Variants in PPIL3 observed in about 807,000 individuals in gnomAD.
PPIL3 encodes peptidylprolyl isomerase like 3.
A neutral mutation model predicts 20.9 loss-of-function variants in PPIL3; 13 were observed. The ratio of observed to expected loss-of-function variants is 0.62; its 90% CI spans 0.40 to 0.99. The LOEUF (loss-of-function observed/expected upper bound fraction) is 0.99. Ranked by LOEUF, PPIL3 falls within the 50% of genes least tolerant of loss-of-function variation. The pLI is 0.00. For missense variants in PPIL3, 170 were observed against 195.2 expected (o/e 0.87, Z 0.77); for synonymous variants, 71 against 64.4 (o/e 1.10, Z -0.49).
intron 2 of PPIL3, among the ~76,000 whole-genome samples, chr2:200,887,343 C>T (rs952385362): frequency 6.9e-6 from 1 of 145,180 alleles, no homozygotes. Flanking sequence ...CGAGATTACA[C>T]CACTGCACTC....
In PPIL3 at chr2:200,887,662, TACAGCGAG is replaced by T. The variant is rs1559344884; in HGVS notation, c.-55_-48del. The T allele has an allele frequency of 6.4e-7, 1 of 1,557,208 alleles. No individual in the cohort carries two copies. The highest frequency in any genetic ancestry group is 2.3e-5 in the East Asian group (1 of 43,816). ...GAAGGACTACGTGATTTCTCAGTCT[TACAGCGAG>T]CTCAAAAATAAGTCTCTAGTCCCAA... On this transcript the variant is annotated 5_prime_UTR_variant, in exon 2 of 7. Transcript: ENST00000392283.
At chr2:200,876,056 G>C (rs924627472) in intron 6 of PPIL3, among the ~76,000 whole-genome samples, 1 of 151,852 alleles carries the variant, frequency 6.6e-6, no homozygotes, top group Admixed American at 6.6e-5. Flanking sequence ...AGATCTGTTA[G>C]TTGCTGTGAA....
At chr2:200,889,103 T>G (rs2040098634), upstream of PPIL3, 1 of 467,610 alleles carries the variant, frequency 2.1e-6, no homozygotes, top group Non-Finnish European at 4.4e-6. Flanking sequence ...GAACGCCCCT[T>G]ACCGCCTCAC....
intron 2 of PPIL3, among the ~76,000 whole-genome samples, chr2:200,886,157 G>A (rs2039931483): frequency 6.6e-6 from 1 of 152,274 alleles, no homozygotes; most frequent in South Asian, 2.1e-4. Flanking sequence ...AAAATGATGA[G>A]AAAATGATTT....
chr2:200,885,488 C>T (rs531343062), intron 3 of PPIL3: 3 of 511,378 alleles, frequency 5.9e-6, no homozygotes, highest in Admixed American at 8.0e-5. Flanking sequence ...GCTACTCTAT[C>T]GTTACCGAAA....
At chr2:200,877,173 C>T (rs1268841132) in intron 5 of PPIL3, 136 bp from the exon 6 acceptor site, 1 of 629,012 alleles carries the variant, frequency 1.6e-6, no homozygotes, top group African/African-American at 1.8e-5. Flanking sequence ...GTTGCTCAGG[C>T]TGGTCTCTAA....
In PPIL3 at chr2:200,881,408, A is replaced by G. The variant is rs767745687; in HGVS notation, c.240+13T>C. 1.2e-6 allele frequency: 2 copies of G among 1,601,308 alleles called. No homozygotes were observed. The highest frequency in any genetic ancestry group is 1.7e-6 in the Non-Finnish European group (2 of 1,172,312). On this transcript the variant is annotated intron_variant, in intron 5 of 6. Transcript: ENST00000392283. The stretch of plus-strand genomic sequence containing the variant: ...GGCATGAGAAATAGATTTTTAAAGC[A>G]TTGAGGATTTACCTTAAGATATTCA...
chr2:200,885,879 G>C, intron 2 of PPIL3, 107 bp from the exon 3 acceptor site: 1 of 655,130 alleles, frequency 1.5e-6, no homozygotes, highest in Non-Finnish European at 2.6e-6. Flanking sequence ...AATAAAAACA[G>C]ACAGAAATAC....
chr2:200,881,521 A>C (rs2105776150), intron 4 of PPIL3, 33 bp from the exon 5 acceptor site: 1 of 1,560,282 alleles, frequency 6.4e-7, no homozygotes, highest in South Asian at 1.1e-5. Flanking sequence ...CAAAAGAAGT[A>C]TTTAATTAAA....
chr2:200,885,780 G>C lies in PPIL3; in HGVS notation c.4-8C>G. ...TGTATGCAGTGTCACAGACTAAAAA[G>C]GAGAGAAAATGTGAGAACAAATGAA... On this transcript the variant is annotated splice_region_variant and splice_polypyrimidine_tract_variant and intron_variant, in intron 2 of 6. Transcript: ENST00000392283. The C allele has an allele frequency of 6.5e-7, 1 of 1,549,576 alleles. No individual in the cohort carries two copies. The highest frequency in any genetic ancestry group is 1.4e-5 in the African/African-American group (1 of 73,136).
chr2:200,877,011 C>A lies in PPIL3; in HGVS notation c.267G>T (p.Met89Ile). ...CATTGGTGTTCGGGCCATTATTAGC[C>A]ATAGATACAACACCTCTAACATTGT... ...LKHNVRGVVS[M>I]ANNGPNTNGS... Residue 89 changes from methionine (M) to isoleucine (I), a missense_variant, in exon 6 of 7, where the codon ATG (methionine) becomes ATT (isoleucine). Physicochemically the swap from Met to Ile is conservative, Grantham distance 10. Transcript: ENST00000392283. 2 of 1,612,590 alleles carry A rather than the reference C, an allele frequency of 1.2e-6. No individual in the cohort carries two copies. Among genetic ancestry groups the A allele is most frequent in the South Asian group, 2.2e-5 (2 of 91,038 alleles).
rs1170988525 is a variant in PPIL3, at chr2:200,887,601, CT to C, written c.3+11del. On this transcript the variant is annotated intron_variant, in intron 2 of 6. Coordinates refer to ENST00000392283, the MANE Select transcript of PPIL3 (RefSeq NM_130906.3). ...AATGAAAGACATTAGATAAAAATTGCTCAAAACTTACCATTTTTCCTCTTAG... is the reference window on the plus strand; with the variant it reads ...AATGAAAGACATTAGATAAAAATTGCCAAAACTTACCATTTTTCCTCTTAG... 5 of 1,595,870 alleles carry C rather than the reference CT, an allele frequency of 3.1e-6. No individual in the cohort carries two copies. Among genetic ancestry groups the C allele is most frequent in the Non-Finnish European group, 4.3e-6 (5 of 1,167,862 alleles).
At chr2:200,887,246 C>T (rs1163619113) in intron 2 of PPIL3, among the ~76,000 whole-genome samples, 2 of 151,730 alleles carry the variant, frequency 1.3e-5, no homozygotes, top group African/African-American at 2.4e-5. Context: ...ATTAGCTGGG[C>T]GTGGTGGCAG....
chr2:200,884,928 T>C (rs2039873761), intron 3 of PPIL3: 1 of 150,484 alleles, frequency 6.6e-6, no homozygotes. Context: ...TAGCTGGGCA[T>C]GGTGGTGGGT....
At chr2:200,872,402 G>A (rs1025545247) in intron 6 of PPIL3, among the ~76,000 whole-genome samples, 1 of 151,936 alleles carries the variant, frequency 6.6e-6, no homozygotes, top group African/African-American at 2.4e-5. Flanking sequence ...GGGTTTTTAC[G>A]GAGGGCACAT....
In PPIL3 at chr2:200,883,640, A is replaced by C. The variant is rs188635154; in HGVS notation, c.79-1205T>G. Among the ~76,000 whole-genome samples the C allele has an allele frequency of 1.5e-3, 228 of 152,258 alleles. 1 individual carries two copies. The highest frequency in any genetic ancestry group is 2.8e-3 in the Non-Finnish European group (193 of 68,020). On this transcript the variant is annotated intron_variant, in intron 3 of 6. Coordinates refer to ENST00000392283, the MANE Select transcript of PPIL3 (RefSeq NM_130906.3). ...AAAATAATTTCTTAAAAATATAATT[A>C]CTTAATTTTCCTGCCCTGCTTATTT...
chr2:200,886,686 A>T (rs2039948690), intron 2 of PPIL3, among the ~76,000 whole-genome samples: 1 of 152,174 alleles, frequency 6.6e-6, no homozygotes, highest in African/African-American at 2.4e-5. Flanking sequence ...TCTGCCTCCC[A>T]AAGTGCCGAG....
intron 2 of PPIL3, among the ~76,000 whole-genome samples, chr2:200,886,711 C>A (rs2039949903): frequency 6.6e-6 from 1 of 152,220 alleles, no homozygotes; most frequent in South Asian, 2.1e-4. Flanking sequence ...CAGGCGTGAG[C>A]CACCGCGCCT....
rs943813990 is a variant in PPIL3 at position 200,870,926 on chromosome 2, C to T, written c.*469G>A. 6.6e-6 allele frequency: 1 copy of T among 152,364 alleles called. No individual in the cohort carries two copies. The highest frequency in any genetic ancestry group is 1.5e-5 in the Non-Finnish European group (1 of 68,232). 9.4% of individuals were successfully genotyped at this position (152,364 alleles called of 1,614,324 possible). On this transcript the variant is annotated 3_prime_UTR_variant, in exon 7 of 7. Coordinates refer to ENST00000392283, the MANE Select transcript of PPIL3 (RefSeq NM_130906.3). ...GAGACCCAAATTTAAACATGAAGTTCATTTACGTTTCATATATACCTTATA... is the reference window on the plus strand; with the variant it reads ...GAGACCCAAATTTAAACATGAAGTTTATTTACGTTTCATATATACCTTATA...
Sources: allele counts gnomAD v4.1 joint callset (sites outside exome capture counted in the v4.1 genomes callset), GRCh38; gene constraint gnomAD v4.1.1; transcripts MANE v1.5; gene names NCBI Gene and HGNC (gene_info 2026-07-23, HGNC 2026-07-21).